RNF144A: variants seen among roughly 807,000 people sequenced by gnomAD.
The protein encoded by RNF144A is ring finger protein 144A, also known as E3 ubiquitin-protein ligase RNF144A.
A neutral mutation model predicts 38.7 loss-of-function variants in RNF144A; 11 were observed. The ratio of observed to expected loss-of-function variants is 0.28; its 90% confidence interval spans 0.18 to 0.47. The LOEUF is 0.47. Ranked by LOEUF, RNF144A falls within the 20% of genes least tolerant of loss-of-function variation. The pLI, the probability that RNF144A is intolerant of heterozygous loss-of-function variation, is 0.99. For synonymous variants in RNF144A, 149 were observed against 143.9 expected, an observed-to-expected ratio of 1.04 and a Z score of -0.25; for missense variants, 316 against 377.2, an observed-to-expected ratio of 0.84 and a Z score of 1.34.
At chr2:7,062,696 G>C (rs746392131) in intron 6 of RNF144A, 11 of 152,198 alleles carry the variant, frequency 7.2e-5, no homozygotes, top group Admixed American at 1.3e-4. Flanking sequence ...CCAGAGGAAA[G>C]AAAGCAGAGA....
intron 2 of RNF144A, among the ~76,000 whole-genome samples, chr2:6,991,836 A>T (rs1437171754): frequency 6.6e-6 from 1 of 152,152 alleles, no homozygotes; most frequent in Non-Finnish European, 1.5e-5. Flanking sequence ...ATATATATGT[A>T]TATATAATTG....
At position 7,043,165 on chromosome 2, in the gene RNF144A, G is replaced by A; in HGVS notation, c.*3405G>A. On this transcript the variant is annotated 3_prime_UTR_variant, in exon 9 of 9. Transcript: ENST00000320892. ...TTACAGGCCTGAGCCACCCCACCCG[G>A]CCTATTTTCTTAAAGGGGAACAAAT... 2 of 985,228 alleles carry A rather than the reference G, an allele frequency of 2.0e-6. No individual in the cohort carries two copies. Among genetic ancestry groups the A allele is most frequent in the Non-Finnish European group, 2.4e-6 (2 of 829,812 alleles). 61.0% of individuals were successfully genotyped at this position (985,228 alleles called of 1,614,324 possible).
chr2:7,001,383 G>A (rs1207622134), intron 3 of RNF144A, among the ~76,000 whole-genome samples: 1 of 150,458 alleles, frequency 6.6e-6, no homozygotes, highest in East Asian at 2.0e-4. Context: ...AAAAATAAAA[G>A]TGTAACTTTT....
intron 2 of RNF144A, among the ~76,000 whole-genome samples, chr2:6,972,120 AC>A: frequency 6.6e-6 from 1 of 152,090 alleles, no homozygotes; most frequent in Admixed American, 6.5e-5. Context: ...ACCTAAACCC[AC>A]CCATTTCCCT....
chr2:6,998,048 C>T (rs1669871553), intron 3 of RNF144A, among the ~76,000 whole-genome samples: 1 of 152,000 alleles, frequency 6.6e-6, no homozygotes, highest in African/African-American at 2.4e-5. Flanking sequence ...ATCAAAACTT[C>T]ACATTGTTCA....
intron 8 of RNF144A, among the ~76,000 whole-genome samples, chr2:7,036,740 G>T (rs1198087057): frequency 6.6e-6 from 1 of 152,178 alleles, no homozygotes; most frequent in Non-Finnish European, 1.5e-5. Context: ...TAGTTTCAGT[G>T]AATTAATAGT....
intron 5 of RNF144A, 115 bp from the exon 6 acceptor site, chr2:7,020,358 G>A: frequency 1.2e-6 from 1 of 867,984 alleles, no homozygotes; most frequent in South Asian, 1.6e-5. Context: ...GGTGGTGCTG[G>A]CTGTATTACC....
intron 6 of RNF144A, among the ~76,000 whole-genome samples, chr2:7,062,497 TAAAAAAAAAAA>T (rs70942688): frequency 1.3e-4 from 15 of 113,450 alleles, no homozygotes; most frequent in Admixed American, 1.2e-3. Context: ...TGCTGGGTGC[TAAAAAAAAAAA>T]AAAAAAAAAG....
chr2:6,981,556 C>A (rs905722985), intron 2 of RNF144A, among the ~76,000 whole-genome samples: 7 of 152,172 alleles, frequency 4.6e-5, no homozygotes, highest in African/African-American at 1.7e-4. Context: ...GTGAGAGTGA[C>A]CTTTGCTCCA....
the RNF144A span, chr2:7,074,840 G>C: frequency 6.5e-6 from 1 of 152,774 alleles, no homozygotes; most frequent in Admixed American, 6.6e-5. Context: ...AAGAAGGAGG[G>C]GGGGAAGGAA....
intron 1 of RNF144A, among the ~76,000 whole-genome samples, chr2:6,932,842 A>G (rs908743012): frequency 6.6e-6 from 1 of 152,224 alleles, no homozygotes; most frequent in African/African-American, 2.4e-5. Context: ...TAATTTGACA[A>G]ATATCTCCAC....
chr2:6,969,487 A>G (rs773891019), intron 2 of RNF144A, among the ~76,000 whole-genome samples: 1 of 152,142 alleles, frequency 6.6e-6, no homozygotes, highest in Non-Finnish European at 1.5e-5. Flanking sequence ...CACCCTGCTC[A>G]TGCTCCTGCA....
chr2:7,000,938 A>G (rs1331483919), intron 3 of RNF144A, among the ~76,000 whole-genome samples: 1 of 151,936 alleles, frequency 6.6e-6, no homozygotes, highest in Non-Finnish European at 1.5e-5. Context: ...ATTGGCAATT[A>G]GGAATTTTGC....
At chr2:7,035,917 C>T (rs778192880) in intron 8 of RNF144A, among the ~76,000 whole-genome samples, 3 of 152,294 alleles carry the variant, frequency 2.0e-5, no homozygotes, top group Non-Finnish European at 2.9e-5. Context: ...TTTGTTTCAT[C>T]GCAAGTGATA....
At chr2:7,024,755 A>G (rs1352204983) in intron 7 of RNF144A, among the ~76,000 whole-genome samples, 1 of 152,188 alleles carries the variant, frequency 6.6e-6, no homozygotes, top group South Asian at 2.1e-4. Context: ...CAGGTTCAGG[A>G]TCCAGCCTGG....
chr2:6,922,077 G>A (rs1199577814), intron 1 of RNF144A, among the ~76,000 whole-genome samples: 2 of 152,084 alleles, frequency 1.3e-5, no homozygotes, highest in Non-Finnish European at 2.9e-5. Flanking sequence ...GTTTTGGAGC[G>A]TCTTTCCCTA....
chr2:6,972,280 T>C (rs1177649535), intron 2 of RNF144A, among the ~76,000 whole-genome samples: 1 of 152,200 alleles, frequency 6.6e-6, no homozygotes, highest in Admixed American at 6.5e-5. Flanking sequence ...TGAGTGACAG[T>C]CTGAGATGCT....
At chr2:6,928,631 C>T (rs1486734866) in intron 1 of RNF144A, among the ~76,000 whole-genome samples, 1 of 152,234 alleles carries the variant, frequency 6.6e-6, no homozygotes, top group Non-Finnish European at 1.5e-5. Flanking sequence ...CGTGCTCCTC[C>T]CTTCCTTTCT....
intron 1 of RNF144A, among the ~76,000 whole-genome samples, chr2:6,937,481 C>T (rs1467186057): frequency 6.6e-6 from 1 of 152,194 alleles, no homozygotes; most frequent in African/African-American, 2.4e-5. Context: ...TGCCAGTGCA[C>T]CAGCTGAGCA....
Sources: gnomAD v4.1 joint callset for allele counts (sites outside exome capture counted in the v4.1 genomes callset) on GRCh38, gnomAD v4.1.1 for gene constraint, MANE v1.5 for transcripts, NCBI Gene and HGNC (gene_info 2026-07-23, HGNC 2026-07-21) for gene names.